Variants in TMEM74 observed in about 807,000 individuals in gnomAD.
TMEM74 encodes transmembrane protein 74.
Under a neutral mutation model 18.1 loss-of-function variants are expected in TMEM74, and 13 were observed. The observed-to-expected ratio is 0.72, with a 90% CI of 0.47 to 1.14. TMEM74 has a LOEUF of 1.14. Among genes scored for constraint, TMEM74 ranks in the 50% most tolerant of loss-of-function variants. The probability of loss-of-function intolerance (pLI) is 0.00; values close to 1 mark genes in which losing one functional copy is unlikely to be tolerated. For missense variants in TMEM74, 372 were observed against 375.9 expected, an observed-to-expected ratio of 0.99 and a Z score of 0.09; for synonymous variants, 159 against 146.6, an observed-to-expected ratio of 1.08 and a Z score of -0.61.
intron 1 of TMEM74, among the ~76,000 whole-genome samples, chr8:108,658,976 A>C (rs1440322214): frequency 6.6e-6 from 1 of 152,148 alleles, no homozygotes; most frequent in Non-Finnish European, 1.5e-5. Flanking sequence ...GCATCAAGCT[A>C]AACTTACTTT....
At position 108,722,873 on chromosome 8, in the gene TMEM74, A is replaced by G. The variant is rs576083246; in HGVS notation, n.119+64603T>C. 1.2e-4 allele frequency among the ~76,000 whole-genome samples: 18 copies of G among 152,354 alleles called. No homozygotes were observed. In the South Asian group the frequency reaches 2.9e-3, roughly 25 times the overall value. ...CATTGATGTAGAGGTTAAGAATTAT[A>G]GAGCCCTAGGTCTAAACCCTGATGG... On this transcript the variant is annotated intron_variant and non_coding_transcript_variant, in intron 1 of 3. Transcript: ENST00000518838.
intron 1 of TMEM74, among the ~76,000 whole-genome samples, chr8:108,687,214 A>T (rs920506327): frequency 6.6e-6 from 1 of 152,146 alleles, no homozygotes; most frequent in African/African-American, 2.4e-5. Context: ...TTATTTTGAC[A>T]ATGTGGAATG....
chr8:108,648,730 A>G (rs1218625179), intron 2 of TMEM74, among the ~76,000 whole-genome samples: 1 of 152,120 alleles, frequency 6.6e-6, no homozygotes, highest in Admixed American at 6.6e-5. Flanking sequence ...TCTAGAATCT[A>G]GAGAAGGCAA....
chr8:108,710,581 G>A (rs1813464624), intron 1 of TMEM74, among the ~76,000 whole-genome samples: 1 of 152,212 alleles, frequency 6.6e-6, no homozygotes, highest in Non-Finnish European at 1.5e-5. Flanking sequence ...GTGAAATGCA[G>A]TTTTATTCAG....
At chr8:108,731,380 A>G (rs540577088) in intron 1 of TMEM74, among the ~76,000 whole-genome samples, 1 of 152,332 alleles carries the variant, frequency 6.6e-6, no homozygotes, top group East Asian at 1.9e-4. Context: ...CAGCATATCA[A>G]TTTAACATAG....
At chr8:108,680,948 C>A (rs1355614383) in intron 1 of TMEM74, among the ~76,000 whole-genome samples, 3 of 152,092 alleles carry the variant, frequency 2.0e-5, no homozygotes, top group Non-Finnish European at 4.4e-5. Flanking sequence ...ACCTAGGAAT[C>A]CAACTTACAA....
At chr8:108,695,443 T>C (rs1813272624) in intron 1 of TMEM74, among the ~76,000 whole-genome samples, 1 of 152,094 alleles carries the variant, frequency 6.6e-6, no homozygotes, top group South Asian at 2.1e-4. Context: ...GACCAGAAAA[T>C]GGATTGGACA....
intron 2 of TMEM74, among the ~76,000 whole-genome samples, chr8:108,638,397 CT>C (rs1321440876): frequency 3.9e-5 from 6 of 151,970 alleles, no homozygotes; most frequent in African/African-American, 1.4e-4. Context: ...TCATTTTTTA[CT>C]AACACTCTAT....
chr8:108,678,921 C>T (rs1479414624), intron 1 of TMEM74, among the ~76,000 whole-genome samples: 3 of 137,328 alleles, frequency 2.2e-5, no homozygotes, highest in South Asian at 4.8e-4. Context: ...CAACAGTACC[C>T]GGAGTGTGAT....
At chr8:108,721,713 T>C (rs1334139057) in intron 1 of TMEM74, among the ~76,000 whole-genome samples, 1 of 152,240 alleles carries the variant, frequency 6.6e-6, no homozygotes. Context: ...AAACAAAGAC[T>C]TTTTATGAAA....
rs71564011 is a variant in TMEM74 at position 108,615,819 on chromosome 8, C to CTTTTTTTTTTT, written n.265-7004_265-6994dup. ...TGCAATGATTGGGATTGCATGGGAG[C>CTTTTTTTTTTT]TTTTTTTTTTTTTTTTTTTTTTTGG... On this transcript the variant is annotated intron_variant and non_coding_transcript_variant, in intron 2 of 3. Coordinates refer to the TMEM74 transcript ENST00000518838. Among the ~76,000 whole-genome samples, 39 of 76,454 alleles carry CTTTTTTTTTTT rather than the reference C, an allele frequency of 5.1e-4. 4 individuals carry two copies. The highest frequency in any genetic ancestry group is 1.4e-3 in the East Asian group (3 of 2,112). 50.2% of individuals were successfully genotyped at this position (76,454 alleles called of 152,430 possible).
intron 2 of TMEM74, among the ~76,000 whole-genome samples, chr8:108,628,540 C>A (rs1346932429): frequency 6.6e-6 from 1 of 152,008 alleles, no homozygotes; most frequent in Non-Finnish European, 1.5e-5. Context: ...CATTGATGAG[C>A]ATTTGGTTTG....
intron 2 of TMEM74, among the ~76,000 whole-genome samples, chr8:108,624,131 A>G (rs1812470539): frequency 6.6e-6 from 1 of 152,142 alleles, no homozygotes; most frequent in Non-Finnish European, 1.5e-5. Context: ...GTATTATTCC[A>G]AAATAAAACA....
chr8:108,750,777 G>C (rs3019369), intron 1 of TMEM74, among the ~76,000 whole-genome samples: 2 of 151,984 alleles, frequency 1.3e-5, no homozygotes, highest in Non-Finnish European at 2.9e-5. Flanking sequence ...GCGCATGTGG[G>C]CAGCCCTCCC....
chr8:108,754,223 T>C (rs1012959404), intron 1 of TMEM74, among the ~76,000 whole-genome samples: 1 of 152,176 alleles, frequency 6.6e-6, no homozygotes, highest in Non-Finnish European at 1.5e-5. Context: ...TTTGTTGACA[T>C]GTATTTTATT....
chr8:108,694,908 T>G (rs1307941172), intron 1 of TMEM74, among the ~76,000 whole-genome samples: 4 of 152,204 alleles, frequency 2.6e-5, no homozygotes, highest in Non-Finnish European at 2.9e-5. Flanking sequence ...GAATTTGAGC[T>G]GGAGCCCTCA....
intron 1 of TMEM74, among the ~76,000 whole-genome samples, chr8:108,753,607 C>T (rs762692215): frequency 1.3e-5 from 2 of 152,100 alleles, no homozygotes; most frequent in African/African-American, 2.4e-5. Flanking sequence ...ACCAATTGTA[C>T]TTACTAAAGA....
chr8:108,687,844 C>A (rs1317880395), intron 1 of TMEM74, among the ~76,000 whole-genome samples: 1 of 152,022 alleles, frequency 6.6e-6, no homozygotes, highest in Non-Finnish European at 1.5e-5. Flanking sequence ...TTTGCTCGCT[C>A]ACCCACCACT....
intron 2 of TMEM74, among the ~76,000 whole-genome samples, chr8:108,627,625 G>C (rs897764097): frequency 5.3e-5 from 8 of 151,960 alleles, no homozygotes; most frequent in African/African-American, 1.9e-4. Context: ...CATACTCAAA[G>C]GGGAGGAACC....
Sources: gnomAD v4.1 joint callset for allele counts (sites outside exome capture counted in the v4.1 genomes callset) on GRCh38, gnomAD v4.1.1 for gene constraint, MANE v1.5 for transcripts, NCBI Gene and HGNC (gene_info 2026-07-23, HGNC 2026-07-21) for gene names.